The following NRDE2 variants were observed in gnomAD, a reference collection of about 807,000 sequenced individuals.
NRDE2 encodes the protein nuclear exosome regulator NRDE2.
Under a neutral mutation model 124.2 loss-of-function variants are expected in NRDE2, and 76 were observed. The ratio of observed to expected loss-of-function variants is 0.61; its 90% CI spans 0.51 to 0.74. The LOEUF (loss-of-function observed/expected upper bound fraction) is 0.74. Among genes scored for constraint, NRDE2 ranks in the 30% least tolerant of loss-of-function variants. NRDE2 has a pLI of 0.00. For missense variants in NRDE2, 1,314 were observed against 1,417.3 expected, an observed-to-expected ratio of 0.93 and a Z score of 1.17; for synonymous variants, 489 against 528.1, an observed-to-expected ratio of 0.93 and a Z score of 1.01.
At chr14:90,287,721 C>T (rs1397559205) in intron 11 of NRDE2, among the ~76,000 whole-genome samples, 1 of 152,178 alleles carries the variant, frequency 6.6e-6, no homozygotes, top group Non-Finnish European at 1.5e-5. Flanking sequence ...AGTCATTACA[C>T]ACTTTGTACC....
At chr14:90,313,224 T>A (rs1050582905) in intron 3 of NRDE2, among the ~76,000 whole-genome samples, 1 of 150,848 alleles carries the variant, frequency 6.6e-6, no homozygotes, top group African/African-American at 2.4e-5. Context: ...CCTCCCGGAT[T>A]CACGCCATTC....
Position 90,316,695 on chromosome 14 carries a change from T to A in NRDE2, c.290A>T (p.Lys97Ile). Residue 97 changes from lysine to isoleucine, a missense_variant, in exon 3 of 14, where the codon AAA becomes ATA. Coordinates refer to ENST00000354366, the MANE Select transcript of NRDE2 (RefSeq NM_017970.4). Reference sequence around the variant, plus strand: ...CGACGGCCCATGCTTCCTCTTTGTTTTCTTATGATGCTGATGCTTCCTTTT... The same window carrying A: ...CGACGGCCCATGCTTCCTCTTTGTTATCTTATGATGCTGATGCTTCCTTTT... ...KKKRKHQHHKKTKRKHGPSSS... is the reference protein window; with the variant it reads ...KKKRKHQHHKITKRKHGPSSS... 6.2e-7 allele frequency: 1 copy of A among 1,614,182 alleles called. No homozygotes were observed. Among genetic ancestry groups the A allele is most frequent in the Non-Finnish European group, 8.5e-7 (1 of 1,180,022 alleles).
In NRDE2 at chr14:90,331,937, G is replaced by A. The variant is rs370932239; in HGVS notation, c.-33C>T. The A allele has an allele frequency of 1.2e-6, 2 of 1,612,982 alleles. No individual in the cohort carries two copies. The highest frequency in any genetic ancestry group is 1.3e-5 in the African/African-American group (1 of 75,028). ...GGCCGTACCTCCGTTCTTCTCTATA[G>A]GGATGGCGCCGGCGAGCGAGCGCCG... On this transcript the variant is annotated 5_prime_UTR_variant, in exon 1 of 14. Coordinates refer to ENST00000354366, the MANE Select transcript of NRDE2 (RefSeq NM_017970.4).
At position 90,278,338 on chromosome 14, in the gene NRDE2, A is replaced by G; in HGVS notation, c.3493T>C (p.Ter1165GlnextTer35). The G allele has an allele frequency of 1.2e-6, 2 of 1,614,010 alleles. No individual in the cohort carries two copies. Among genetic ancestry groups the G allele is most frequent in the Non-Finnish European group, 1.7e-6 (2 of 1,179,970 alleles). ...ACAGCCCGTTTTCCCGCTGCTCTCT[A>G]ATCCTCCAGCAGCAGCTCCAGCTCC... Reference protein sequence around the residue: ...LEELELLLED* With the variant: ...LEELELLLEDQ The change falls in exon 14 of 14, where the codon TAG becomes CAG. Residue 1165 changes from the stop codon to glutamine, a stop_lost. Coordinates refer to ENST00000354366, the MANE Select transcript of NRDE2 (RefSeq NM_017970.4).
chr14:90,268,140 T>G lies in NRDE2; in HGVS notation c.*10196A>C. ...AGGGCCCGCCTGTTTTTGGTGTCCA[T>G]TTAAGGTGGTAATGATACGAGTTTT... is the stretch of plus-strand genomic sequence containing the variant. On this transcript the variant is annotated 3_prime_UTR_variant, in exon 14 of 14. Transcript: ENST00000354366. 1 of 1,179,018 alleles carries G rather than the reference T, an allele frequency of 8.5e-7. No individual in the cohort carries two copies. The highest frequency in any genetic ancestry group is 1.2e-6 in the Non-Finnish European group (1 of 864,524). 73.0% of individuals were successfully genotyped at this position (1,179,018 alleles called of 1,614,324 possible).
At chr14:90,302,619 A>T in intron 6 of NRDE2, 101 bp downstream of exon 6, 2 of 1,250,500 alleles carry the variant, frequency 1.6e-6, no homozygotes, top group Non-Finnish European at 2.2e-6. Context: ...CAAACAATTT[A>T]GACTTTTTCT....
At position 90,270,586 on chromosome 14, in the gene NRDE2, T is replaced by TACCAG; in HGVS notation, c.*7749_*7750insCTGGT. The TACCAG allele has an allele frequency of 4.6e-6, 2 of 437,644 alleles. No individual in the cohort carries two copies. Among genetic ancestry groups the TACCAG allele is most frequent in the South Asian group, 4.4e-5 (1 of 22,760 alleles). The allele number at this position is 437,644 out of a possible 1,614,324, so 27.1% of individuals were successfully genotyped here. A position where few individuals can be genotyped will look rare whatever the true frequency, so the allele number is the denominator to read the frequency against. ...AATCACCTGGAGCCACAAGGCTGAG[T>TACCAG]CGCTGGTACTAAGCCTTAGGCCCAG... On this transcript the variant is annotated 3_prime_UTR_variant, in exon 14 of 14. Coordinates refer to ENST00000354366, the MANE Select transcript of NRDE2 (RefSeq NM_017970.4).
intron 8 of NRDE2, among the ~76,000 whole-genome samples, chr14:90,295,286 C>T (rs1884100208): frequency 6.6e-6 from 1 of 152,074 alleles, no homozygotes; most frequent in African/African-American, 2.4e-5. Flanking sequence ...AAACTTAAAA[C>T]ACATAATATG....
At chr14:90,290,702 ATTATT>A in intron 9 of NRDE2, 95 bp from the exon 10 acceptor site, 1 of 1,342,930 alleles carries the variant, frequency 7.4e-7, no homozygotes, top group Non-Finnish European at 1.0e-6. Context: ...ATGGTTCAAC[ATTATT>A]CAAATTAAAT....
chr14:90,283,916 T>C (rs753444532), intron 12 of NRDE2, among the ~76,000 whole-genome samples: 5 of 152,098 alleles, frequency 3.3e-5, no homozygotes, highest in Non-Finnish European at 4.4e-5. Context: ...TTTCACCGTG[T>C]TAGCCAAGAT....
intron 8 of NRDE2, among the ~76,000 whole-genome samples, chr14:90,297,760 T>G (rs1419819105): frequency 6.6e-6 from 1 of 151,894 alleles, no homozygotes; most frequent in East Asian, 1.9e-4. Context: ...CTGGCCAACA[T>G]GGCGACCCTA....
At position 90,302,955 on chromosome 14, in the gene NRDE2, T is replaced by G; in HGVS notation, c.1176A>C (p.Thr392=). The G allele has an allele frequency of 3.7e-6, 6 of 1,614,112 alleles. No homozygotes were observed. Among genetic ancestry groups the G allele is most frequent in the Non-Finnish European group, 5.1e-6 (6 of 1,180,040 alleles). Residue 392 remains threonine (T), a synonymous_variant, in exon 6 of 14, where the codon ACA becomes ACC. Transcript: ENST00000354366. Reference sequence around the variant, plus strand: ...CCAGAGTGGAGGGCTCCCAGAACTCTGTGCAGAGCTTCAGCTTGGCCAGTT... The same window carrying G: ...CCAGAGTGGAGGGCTCCCAGAACTCGGTGCAGAGCTTCAGCTTGGCCAGTT... ...DLKLAKLKLC[T]EFWEPSTLVK...
chr14:90,269,378 C>CTT lies in NRDE2; in HGVS notation c.*8957_*8958insAA. On this transcript the variant is annotated 3_prime_UTR_variant, in exon 14 of 14. Coordinates refer to ENST00000354366, the MANE Select transcript of NRDE2 (RefSeq NM_017970.4). ...CGATCAGTTGAGTCTTCATTCCTTC[C>CTT]CTTTTTTTTTTTCCAAAGATATGAC... is the stretch of plus-strand genomic sequence containing the variant. The CTT allele has an allele frequency of 1.3e-6, 2 of 1,553,336 alleles. No homozygotes were observed. The highest frequency in any genetic ancestry group is 2.4e-5 in the East Asian group (1 of 41,796).
intron 1 of NRDE2, among the ~76,000 whole-genome samples, chr14:90,327,035 TC>T (rs1414618033): frequency 6.6e-6 from 1 of 152,260 alleles, no homozygotes; most frequent in African/African-American, 2.4e-5. Flanking sequence ...ATTTTTCTCT[TC>T]CTGGTTCCAT....
At chr14:90,310,573 T>G (rs1451891023) in intron 4 of NRDE2, among the ~76,000 whole-genome samples, 5 of 149,792 alleles carry the variant, frequency 3.3e-5, no homozygotes, top group Non-Finnish European at 5.9e-5. Flanking sequence ...CAGCCTGGAG[T>G]GCAGTGGCAC....
In NRDE2 at chr14:90,304,078, G is replaced by A. The variant is rs1176417727; in HGVS notation, c.862C>T (p.Pro288Ser). Residue 288 changes from proline to serine, a missense_variant, in exon 5 of 14, where the codon CCT (proline) becomes TCT (serine). Transcript: ENST00000354366. ...GGCTGCTTTGATTCCTGCTCTGGAG[G>A]ACCCTGTCCTTGTAGCCAATGTGTG... ...STTHWLQGQG[P>S]PEQESKQPDA... The A allele has an allele frequency of 1.9e-6, 3 of 1,614,174 alleles. No homozygotes were observed. Among genetic ancestry groups the A allele is most frequent in the East Asian group, 2.2e-5 (1 of 44,878 alleles).
intron 6 of NRDE2, chr14:90,301,791 T>C: frequency 2.2e-6 from 1 of 456,258 alleles, no homozygotes; most frequent in Non-Finnish European, 4.4e-6. Flanking sequence ...TTTCATCCTA[T>C]GTTCAGAGTC....
intron 1 of NRDE2, among the ~76,000 whole-genome samples, chr14:90,319,579 T>C (rs761613393): frequency 2.1e-4 from 32 of 152,148 alleles, no homozygotes; most frequent in Non-Finnish European, 4.0e-4. Flanking sequence ...ACATTTAATA[T>C]AAATAAGCTC....
chr14:90,298,108 C>T (rs1253625354), intron 8 of NRDE2, 152 bp downstream of exon 8: 1 of 813,200 alleles, frequency 1.2e-6, no homozygotes, highest in East Asian at 2.4e-5. Context: ...AAGGGGAACC[C>T]ATGACATCTA....
Sources: allele counts gnomAD v4.1 joint callset (sites outside exome capture counted in the v4.1 genomes callset), GRCh38; gene constraint gnomAD v4.1.1; transcripts MANE v1.5; gene names NCBI Gene and HGNC (gene_info 2026-07-23, HGNC 2026-07-21).